TMEM132D: variants seen among roughly 807,000 people sequenced by gnomAD.
TMEM132D encodes transmembrane protein 132D, also known as mature OL transmembrane protein.
TMEM132D carries 21 observed loss-of-function variants against 62.3 expected under a neutral mutation model. That is an observed-to-expected ratio of 0.34 (90% CI 0.24 to 0.49). The LOEUF is 0.49. Among genes scored for constraint, TMEM132D ranks in the 20% least tolerant of loss-of-function variants. The pLI is 0.99. For synonymous variants in TMEM132D, 621 were observed against 575.6 expected, an observed-to-expected ratio of 1.08 and a Z score of -1.13; for missense variants, 1,346 against 1,402.8, an observed-to-expected ratio of 0.96 and a Z score of 0.65.
At chr12:129,207,830 C>T (rs1878900135) in intron 5 of TMEM132D, among the ~76,000 whole-genome samples, 1 of 152,176 alleles carries the variant, frequency 6.6e-6, no homozygotes, top group Non-Finnish European at 1.5e-5. Flanking sequence ...CCATTTAATA[C>T]ATTCATAAAA....
At chr12:129,578,122 A>G (rs150323285) in intron 2 of TMEM132D, among the ~76,000 whole-genome samples, 1,550 of 152,232 alleles carry the variant, frequency 0.01, 33 homozygotes, top group African/African-American at 0.035. Context: ...TCAGGTCTTC[A>G]GATTCCAGAA....
chr12:129,496,249 C>T (rs534455156), intron 3 of TMEM132D, among the ~76,000 whole-genome samples: 25 of 152,208 alleles, frequency 1.6e-4, no homozygotes, highest in African/African-American at 4.3e-4. Context: ...ATTCATAAGA[C>T]GGACGGCAGG....
At chr12:129,200,522 C>A (rs1878673994) in intron 5 of TMEM132D, among the ~76,000 whole-genome samples, 1 of 152,162 alleles carries the variant, frequency 6.6e-6, no homozygotes, top group Non-Finnish European at 1.5e-5. Context: ...TTCTCCATTC[C>A]TGAGCTGAAT....
chr12:129,663,499 A>G (rs1880297203), intron 2 of TMEM132D, among the ~76,000 whole-genome samples: 1 of 152,152 alleles, frequency 6.6e-6, no homozygotes, highest in Admixed American at 6.5e-5. Flanking sequence ...AAAGACTTTC[A>G]CTAAGACTTC....
chr12:129,790,695 C>G (rs1293562386), intron 1 of TMEM132D, among the ~76,000 whole-genome samples: 1 of 152,126 alleles, frequency 6.6e-6, no homozygotes, highest in Non-Finnish European at 1.5e-5. Context: ...AATGCATGTT[C>G]CCACTTTGGG....
intron 5 of TMEM132D, among the ~76,000 whole-genome samples, chr12:129,177,840 G>A (rs1028561814): frequency 2.6e-5 from 4 of 152,182 alleles, no homozygotes; most frequent in African/African-American, 9.7e-5. Flanking sequence ...GTGTACCATA[G>A]TGGTTTGCTG....
intron 3 of TMEM132D, among the ~76,000 whole-genome samples, chr12:129,434,654 T>A (rs1173729597): frequency 6.8e-6 from 1 of 147,738 alleles, no homozygotes; most frequent in African/African-American, 2.4e-5. Context: ...ATTTTTAAAG[T>A]TGTAGTTTTT....
chr12:129,900,762 T>A (rs1875325353), intron 1 of TMEM132D, among the ~76,000 whole-genome samples: 5 of 152,108 alleles, frequency 3.3e-5, no homozygotes, highest in Admixed American at 3.3e-4. Flanking sequence ...GCAAACTACA[T>A]CAAGCTGCCA....
intron 1 of TMEM132D, among the ~76,000 whole-genome samples, chr12:129,708,901 C>T (rs140995232): frequency 7.9e-5 from 12 of 152,202 alleles, no homozygotes; most frequent in African/African-American, 2.6e-4. Flanking sequence ...ATAGATAATA[C>T]GTTGAAAAAC....
intron 4 of TMEM132D, among the ~76,000 whole-genome samples, chr12:129,221,119 C>T (rs541346602): frequency 4.6e-5 from 7 of 152,282 alleles, no homozygotes; most frequent in South Asian, 2.1e-4. Flanking sequence ...CTAAAATGTA[C>T]GGGTCAATGT....
chr12:129,124,083 C>T (rs1360731215), intron 5 of TMEM132D, among the ~76,000 whole-genome samples: 1 of 152,082 alleles, frequency 6.6e-6, no homozygotes, highest in African/African-American at 2.4e-5. Flanking sequence ...TCTGGAGAAC[C>T]CCAACTAATA....
At chr12:129,823,896 T>C (rs998807867) in intron 1 of TMEM132D, among the ~76,000 whole-genome samples, 7 of 152,328 alleles carry the variant, frequency 4.6e-5, no homozygotes, top group African/African-American at 1.7e-4. Context: ...TGGTTTTAAA[T>C]TGGGGGCCTG....
At chr12:129,427,589 A>G (rs980475796) in intron 3 of TMEM132D, among the ~76,000 whole-genome samples, 2 of 152,100 alleles carry the variant, frequency 1.3e-5, no homozygotes. Flanking sequence ...AAAAGAAAGG[A>G]AGCCTCTGTG....
At chr12:129,690,532 G>A (rs1048941836) in intron 2 of TMEM132D, among the ~76,000 whole-genome samples, 7 of 152,060 alleles carry the variant, frequency 4.6e-5, no homozygotes, top group Non-Finnish European at 1.0e-4. Flanking sequence ...ATAAATAAAA[G>A]CTTCAGTATT....
intron 2 of TMEM132D, among the ~76,000 whole-genome samples, chr12:129,630,512 AT>A (rs1879324090): frequency 6.6e-6 from 1 of 152,140 alleles, no homozygotes; most frequent in Non-Finnish European, 1.5e-5. Context: ...TTCTTGGAGT[AT>A]TTCTAAGAAG....
At chr12:129,642,646 T>A (rs756575144) in intron 2 of TMEM132D, among the ~76,000 whole-genome samples, 3 of 152,226 alleles carry the variant, frequency 2.0e-5, no homozygotes, top group Non-Finnish European at 4.4e-5. Context: ...TACTATAAAA[T>A]GTGCAAATTG....
chr12:129,878,602 C>G (rs1186045904), intron 1 of TMEM132D, among the ~76,000 whole-genome samples: 2 of 149,352 alleles, frequency 1.3e-5, no homozygotes, highest in Non-Finnish European at 3.0e-5. Flanking sequence ...TTTAAAGACA[C>G]AGTCTCGCTT....
intron 2 of TMEM132D, among the ~76,000 whole-genome samples, chr12:129,549,417 G>A (rs941461718): frequency 6.8e-6 from 1 of 146,996 alleles, no homozygotes; most frequent in Non-Finnish European, 1.5e-5. Context: ...ATCATGGGGT[G>A]GTTTCCCCCC....
intron 5 of TMEM132D, among the ~76,000 whole-genome samples, chr12:129,196,470 G>C (rs866751085): frequency 6.6e-6 from 1 of 152,138 alleles, no homozygotes; most frequent in African/African-American, 2.4e-5. Flanking sequence ...GCATGGGGAG[G>C]TCATGTGGTT....
Sources: gnomAD v4.1 joint callset for allele counts (sites outside exome capture counted in the v4.1 genomes callset) on GRCh38, gnomAD v4.1.1 for gene constraint, MANE v1.5 for transcripts, NCBI Gene and HGNC (gene_info 2026-07-23, HGNC 2026-07-21) for gene names.